MAEL: variants seen among roughly 807,000 people sequenced by gnomAD.
MAEL encodes the protein protein maelstrom homolog.
In MAEL, 46 loss-of-function variants were observed where a neutral mutation model predicts 62.0. The ratio of observed to expected loss-of-function variants is 0.74; its 90% CI spans 0.59 to 0.95. MAEL has a LOEUF of 0.95. Among genes scored for constraint, MAEL ranks in the 40% least tolerant of loss-of-function variants. MAEL has a pLI of 0.00. For synonymous variants in MAEL, 172 were observed against 175.5 expected (o/e 0.98, Z 0.16); for missense variants, 497 against 526.8 (o/e 0.94, Z 0.55).
chr1:167,000,278 G>A (rs1664604863), intron 5 of MAEL, among the ~76,000 whole-genome samples: 1 of 152,180 alleles, frequency 6.6e-6, no homozygotes, highest in Admixed American at 6.5e-5. Flanking sequence ...GAGGAGGTCA[G>A]AATATCAACA....
At chr1:166,988,849 G>C (rs139363882), upstream of MAEL, among the ~76,000 whole-genome samples, 76 of 152,116 alleles carry the variant, frequency 5.0e-4, no homozygotes, top group African/African-American at 1.7e-3. Context: ...TGCTTCACTG[G>C]TTTTTGTCAT....
At chr1:167,015,894 T>C (rs1047849656) in intron 8 of MAEL, among the ~76,000 whole-genome samples, 1 of 152,208 alleles carries the variant, frequency 6.6e-6, no homozygotes, top group Non-Finnish European at 1.5e-5. Flanking sequence ...ACTGTATTTC[T>C]AGTGCCTACC....
In MAEL at chr1:167,016,179, G is replaced by A. The variant is rs752203822; in HGVS notation, c.846-43G>A. 5 of 1,540,920 alleles carry A rather than the reference G, an allele frequency of 3.2e-6. No individual in the cohort carries two copies. The South Asian group carries it at 4.5e-5, about 14-fold the overall frequency. ...TCTGGCATATAAAAACCTTTAAGCA[G>A]TGCTACTTCAGTTAGGATATTAAAG... On this transcript the variant is annotated intron_variant, in intron 8 of 11. Coordinates refer to ENST00000367872, the MANE Select transcript of MAEL (RefSeq NM_032858.3).
At chr1:166,984,047 C>T (rs12130629) in intron 1 of MAEL, among the ~76,000 whole-genome samples, 39,078 of 149,580 alleles carry the variant, frequency 0.26, 5,445 homozygotes, top group African/African-American at 0.36. Context: ...GAGCAGATAA[C>T]AGAAATTATT....
At chr1:166,990,165 T>C (rs936702423) in intron 2 of MAEL, 1 of 114,154 alleles carries the variant, frequency 8.8e-6, no homozygotes, top group African/African-American at 3.5e-5. Context: ...TCAACTCTTC[T>C]GTGATTAATG....
At chr1:167,010,599 C>A (rs1665129180) in intron 8 of MAEL, among the ~76,000 whole-genome samples, 1 of 152,044 alleles carries the variant, frequency 6.6e-6, no homozygotes, top group African/African-American at 2.4e-5. Flanking sequence ...GCATGTGCCA[C>A]CATGCGTACC....
chr1:166,999,270 T>A (rs914308591), intron 5 of MAEL, among the ~76,000 whole-genome samples: 47 of 152,230 alleles, frequency 3.1e-4, no homozygotes, highest in African/African-American at 1.0e-3. Flanking sequence ...GCAAAGGGAA[T>A]GTTCTTGAAG....
At chr1:167,017,777 T>C (rs777412833) in intron 9 of MAEL, 50 bp from the exon 10 acceptor site, 2 of 1,526,904 alleles carry the variant, frequency 1.3e-6, no homozygotes, top group Non-Finnish European at 8.9e-7. Flanking sequence ...CAAATACTTT[T>C]AGTTGAATTA....
chr1:166,980,358 A>G (rs1271935904), intron 1 of MAEL, among the ~76,000 whole-genome samples: 1 of 152,140 alleles, frequency 6.6e-6, no homozygotes, highest in Non-Finnish European at 1.5e-5. Flanking sequence ...TATTTCTATA[A>G]TATAGGAAAA....
At chr1:167,018,005 A>G in intron 10 of MAEL, 46 bp downstream of exon 10, 1 of 1,576,578 alleles carries the variant, frequency 6.3e-7, no homozygotes, top group East Asian at 2.3e-5. Context: ...TAGCTGTTCT[A>G]CTCAATGTGA....
chr1:166,996,547 G>T (rs765445351), intron 5 of MAEL, among the ~76,000 whole-genome samples: 1 of 152,086 alleles, frequency 6.6e-6, no homozygotes, highest in Non-Finnish European at 1.5e-5. Flanking sequence ...AAGGTATAAC[G>T]AACATTAATA....
In MAEL at chr1:167,018,204, A is replaced by G. The variant is rs554075762; in HGVS notation, c.1041+245A>G. ...TTAAGAAAGTTAAAACTGGTATTTA[A>G]TCTTTATGTAAAACATTTCCAAAGA... On this transcript the variant is annotated intron_variant, in intron 10 of 11. Transcript: ENST00000367872. Among the ~76,000 whole-genome samples, 3 of 152,340 alleles carry G rather than the reference A, an allele frequency of 2.0e-5. No homozygotes were observed. The East Asian group carries it at 5.8e-4, about 29-fold the overall frequency.
chr1:166,991,210 G>A (rs1664159475), intron 2 of MAEL, among the ~76,000 whole-genome samples, 168 bp from the exon 3 acceptor site: 1 of 152,108 alleles, frequency 6.6e-6, no homozygotes, highest in Admixed American at 6.5e-5. Context: ...TTTATAATTT[G>A]TTATTCTGCC....
chr1:166,994,106 A>C, intron 5 of MAEL, 37 bp downstream of exon 5: 1 of 1,567,614 alleles, frequency 6.4e-7, no homozygotes, highest in Non-Finnish European at 8.8e-7. Context: ...TTGTGACTTG[A>C]ATCTATTCAT....
upstream of MAEL, among the ~76,000 whole-genome samples, chr1:166,984,340 G>T (rs1663851377): frequency 6.6e-6 from 1 of 152,092 alleles, no homozygotes; most frequent in Admixed American, 6.6e-5. Flanking sequence ...CATTCTTAAT[G>T]CTTTGAACCC....
Position 167,016,299 on chromosome 1 carries a change from G to C in MAEL, c.908+15G>C, listed in dbSNP as rs377641127. ...AAGAAGATTGCGTAAGTTGGGGAAA[G>C]GAGTTTCTTCATAATACTGTATTCT... On this transcript the variant is annotated intron_variant, in intron 9 of 11. Coordinates refer to ENST00000367872, the MANE Select transcript of MAEL (RefSeq NM_032858.3). 9.9e-6 allele frequency: 16 copies of C among 1,611,702 alleles called. No individual in the cohort carries two copies. The African/African-American group carries it at 1.9e-4, about 19-fold the overall frequency.
rs188950768 is a variant in MAEL, at chr1:167,014,791, C to T, written c.846-1431C>T. ...TAATCCCAGCACTATGGGAGGCCAA[C>T]GTGGGTGGATCACCTGAGGTCAGCA... On this transcript the variant is annotated intron_variant, in intron 8 of 11. Transcript: ENST00000367872. 1.5e-3 allele frequency among the ~76,000 whole-genome samples: 232 copies of T among 152,128 alleles called. 1 individual carries two copies. The Middle Eastern group carries it at 0.017, about 11-fold the overall frequency.
chr1:167,009,179 G>C (rs1374910701), intron 8 of MAEL, among the ~76,000 whole-genome samples: 2 of 152,084 alleles, frequency 1.3e-5, no homozygotes, highest in African/African-American at 2.4e-5. Flanking sequence ...ATTTCCTGTA[G>C]TTGTAAGCTG....
chr1:166,992,883 T>C lies in MAEL; in HGVS notation c.481+42T>C, dbSNP rs74319089. The C allele has an allele frequency of 8.6e-6, 9 of 1,044,058 alleles. No homozygotes were observed. The Middle Eastern group carries it at 1.4e-3, about 164-fold the overall frequency. The allele number at this position is 1,044,058 out of a possible 1,614,324, so 64.7% of individuals were successfully genotyped here. On this transcript the variant is annotated intron_variant, in intron 4 of 11. Transcript: ENST00000367872. ...GATGCTAGATCTTAAACGTGTATGG[T>C]TTTTTTTTTTAAATCTTGACTTTAT...
Sources: allele counts gnomAD v4.1 joint callset (sites outside exome capture counted in the v4.1 genomes callset), GRCh38; gene constraint gnomAD v4.1.1; transcripts MANE v1.5; gene names NCBI Gene and HGNC (gene_info 2026-07-23, HGNC 2026-07-21).